Variants in SPOCK3 observed in about 807,000 individuals in gnomAD.
SPOCK3 encodes testican-3.
SPOCK3 carries 30 observed loss-of-function variants against 56.6 expected under a neutral mutation model. The ratio of observed to expected loss-of-function variants is 0.53; its 90% CI spans 0.40 to 0.72. The LOEUF (loss-of-function observed/expected upper bound fraction) is 0.72. Among genes scored for constraint, SPOCK3 ranks in the 30% least tolerant of loss-of-function variants. The pLI, the probability that SPOCK3 is intolerant of heterozygous loss-of-function variation, is 0.00. For synonymous variants in SPOCK3, 196 were observed against 183.3 expected, an observed-to-expected ratio of 1.07 and a Z score of -0.56; for missense variants, 527 against 530.0, an observed-to-expected ratio of 0.99 and a Z score of 0.06.
chr4:167,126,711 C>A (rs1466784583), intron 2 of SPOCK3, among the ~76,000 whole-genome samples: 1 of 152,124 alleles, frequency 6.6e-6, no homozygotes, highest in African/African-American at 2.4e-5. Context: ...AGCCTTTTAT[C>A]CTTACAATCA....
chr4:167,118,962 C>T (rs1761645966), intron 2 of SPOCK3, among the ~76,000 whole-genome samples: 1 of 152,100 alleles, frequency 6.6e-6, no homozygotes, highest in Non-Finnish European at 1.5e-5. Flanking sequence ...TTATTTCAGA[C>T]TCTCACTGTT....
intron 2 of SPOCK3, among the ~76,000 whole-genome samples, chr4:167,075,220 A>G (rs1469002556): frequency 6.6e-6 from 1 of 151,916 alleles, no homozygotes; most frequent in Non-Finnish European, 1.5e-5. Context: ...AAATACAAGA[A>G]AATTAACCAC....
chr4:166,871,301 G>C (rs1057395828), intron 6 of SPOCK3, among the ~76,000 whole-genome samples: 14 of 152,104 alleles, frequency 9.2e-5, no homozygotes, highest in African/African-American at 3.1e-4. Context: ...ATAAAATTGA[G>C]AAGCATAGAG....
intron 2 of SPOCK3, among the ~76,000 whole-genome samples, chr4:167,195,015 G>A (rs1445352034): frequency 6.6e-6 from 1 of 152,168 alleles, no homozygotes; most frequent in Non-Finnish European, 1.5e-5. Flanking sequence ...AGCTGATACT[G>A]AGGTCTGCAG....
intron 8 of SPOCK3, among the ~76,000 whole-genome samples, chr4:166,747,005 CA>C (rs1364746633): frequency 6.6e-6 from 1 of 151,944 alleles, no homozygotes; most frequent in Non-Finnish European, 1.5e-5. Flanking sequence ...GCCTACCAAC[CA>C]AAAAAAGTCC....
intron 5 of SPOCK3, among the ~76,000 whole-genome samples, chr4:166,909,948 T>C (rs1737069848): frequency 6.6e-6 from 1 of 152,128 alleles, no homozygotes; most frequent in Non-Finnish European, 1.5e-5. Context: ...TCTTTGTTTT[T>C]GATCAGTAGC....
intron 2 of SPOCK3, among the ~76,000 whole-genome samples, chr4:167,196,433 CA>C (rs11355831): frequency 0.062 from 9,431 of 152,230 alleles, 319 homozygotes; most frequent in Admixed American, 0.086. Flanking sequence ...AGTCTGGACA[CA>C]AACTTCACTA....
intron 2 of SPOCK3, among the ~76,000 whole-genome samples, chr4:167,191,821 G>T (rs1423027309): frequency 6.9e-6 from 1 of 144,956 alleles, no homozygotes; most frequent in African/African-American, 2.6e-5. Context: ...GTAATATGTT[G>T]ATAGAAGTGA....
intron 3 of SPOCK3, among the ~76,000 whole-genome samples, chr4:167,041,463 T>A (rs1015882412): frequency 6.6e-6 from 1 of 152,224 alleles, no homozygotes; most frequent in Non-Finnish European, 1.5e-5. Flanking sequence ...TGATCTCAAC[T>A]GCATTTATTA....
At chr4:167,137,030 T>G (rs1176589742) in intron 2 of SPOCK3, among the ~76,000 whole-genome samples, 3 of 152,120 alleles carry the variant, frequency 2.0e-5, no homozygotes, top group African/African-American at 7.2e-5. Context: ...ATTATAATTC[T>G]GGGGTAATAG....
intron 2 of SPOCK3, among the ~76,000 whole-genome samples, chr4:167,093,900 T>C (rs1758923812): frequency 1.3e-5 from 2 of 152,208 alleles, no homozygotes; most frequent in Non-Finnish European, 2.9e-5. Flanking sequence ...AAATGATGAC[T>C]CTTCTATTAA....
chr4:166,934,414 C>T (rs1246611637), intron 4 of SPOCK3, among the ~76,000 whole-genome samples: 4 of 151,288 alleles, frequency 2.6e-5, no homozygotes, highest in Non-Finnish European at 4.4e-5. Flanking sequence ...AGCAGAATGG[C>T]GAGAACCCGG....
intron 2 of SPOCK3, among the ~76,000 whole-genome samples, chr4:167,206,955 T>A (rs1026680921): frequency 2.0e-5 from 3 of 152,168 alleles, no homozygotes; most frequent in Middle Eastern, 3.4e-3. Context: ...GGACATGGAA[T>A]GTTCCCAACA....
chr4:166,917,838 C>T (rs1361424221), intron 4 of SPOCK3, among the ~76,000 whole-genome samples: 1 of 152,016 alleles, frequency 6.6e-6, no homozygotes, highest in African/African-American at 2.4e-5. Context: ...CAGTCTCAGG[C>T]ATTTCTTTAT....
chr4:167,213,945 ATT>A (rs1214593160), intron 2 of SPOCK3, among the ~76,000 whole-genome samples: 1 of 152,120 alleles, frequency 6.6e-6, no homozygotes, highest in Non-Finnish European at 1.5e-5. Flanking sequence ...TGATTTAAAT[ATT>A]TGTCTTTTTT....
intron 6 of SPOCK3, among the ~76,000 whole-genome samples, chr4:166,866,579 T>C (rs903559409): frequency 2.6e-5 from 4 of 151,740 alleles, no homozygotes; most frequent in Admixed American, 2.6e-4. Flanking sequence ...TTAAACAAAT[T>C]TACAAGAAAA....
intron 2 of SPOCK3, among the ~76,000 whole-genome samples, chr4:167,226,138 A>T (rs772864808): frequency 6.6e-6 from 1 of 152,194 alleles, no homozygotes; most frequent in Admixed American, 6.5e-5. Flanking sequence ...GCTCAAAAAG[A>T]TTTCACAGAA....
chr4:167,072,918 C>A (rs895795753), intron 2 of SPOCK3, among the ~76,000 whole-genome samples: 1 of 151,702 alleles, frequency 6.6e-6, no homozygotes, highest in Non-Finnish European at 1.5e-5. Flanking sequence ...AGGTCAAGTG[C>A]CTCTAAGTAC....
chr4:167,125,198 T>TATTTATTG (rs919269363), intron 2 of SPOCK3, among the ~76,000 whole-genome samples: 2 of 145,992 alleles, frequency 1.4e-5, no homozygotes, highest in African/African-American at 4.9e-5. Context: ...ATTTTTTATT[T>TATTTATTG]ATTTATTTAT....
Sources: allele counts gnomAD v4.1 joint callset (sites outside exome capture counted in the v4.1 genomes callset), GRCh38; gene constraint gnomAD v4.1.1; transcripts MANE v1.5; gene names NCBI Gene and HGNC (gene_info 2026-07-23, HGNC 2026-07-21).